The following MLPH variants were observed in gnomAD, a reference collection of about 807,000 sequenced individuals.
MLPH encodes the protein exophilin-3.
Under a neutral mutation model 72.1 loss-of-function variants are expected in MLPH, and 51 were observed. The observed-to-expected ratio is 0.71, with a 90% CI of 0.56 to 0.89. The LOEUF is 0.89. MLPH is among the 40% of genes least tolerant of loss of function. The pLI, the probability that MLPH is intolerant of heterozygous loss-of-function variation, is 0.00. For missense variants in MLPH, 743 were observed against 759.9 expected (o/e 0.98, Z 0.26); for synonymous variants, 301 against 310.1 (o/e 0.97, Z 0.31).
At chr2:237,503,574 G>A (rs563311848) in intron 2 of MLPH, among the ~76,000 whole-genome samples, 1 of 152,250 alleles carries the variant, frequency 6.6e-6, no homozygotes, top group Non-Finnish European at 1.5e-5. Flanking sequence ...TGGTTGCCAC[G>A]CTTTCAGTCA....
At chr2:237,540,561 AGGACCCTGCAGAGGTAGGGGCAG>A (rs778821645) in intron 10 of MLPH, 28 bp downstream of exon 10, 1 of 1,599,548 alleles carries the variant, frequency 6.3e-7, no homozygotes, top group Non-Finnish European at 8.5e-7. Context: ...AGGTCTCAGC[AGGACCCTGCAGAGGTAGGGGCAG>A]GGATGGACAG....
chr2:237,535,198 A>ACCACATGGCCTGCCTCTGTC (rs1174672298), intron 9 of MLPH, among the ~76,000 whole-genome samples: 1 of 152,138 alleles, frequency 6.6e-6, no homozygotes, highest in Non-Finnish European at 1.5e-5. Flanking sequence ...GCACATGGTG[A>ACCACATGGCCTGCCTCTGTC]CAGAGGGCAG....
At chr2:237,542,412 C>T (rs577818098) in intron 11 of MLPH, among the ~76,000 whole-genome samples, 155 bp from the exon 12 acceptor site, 1 of 152,272 alleles carries the variant, frequency 6.6e-6, no homozygotes, top group African/African-American at 2.4e-5. Flanking sequence ...GGACCACCAA[C>T]ATGGGCATGG....
intron 2 of MLPH, among the ~76,000 whole-genome samples, chr2:237,503,749 C>T (rs1463795): frequency 6.6e-6 from 1 of 151,910 alleles, no homozygotes; most frequent in African/African-American, 2.4e-5. Context: ...GTTCCACTTG[C>T]CTGGGAGTAC....
chr2:237,538,687 A>G (rs2106371247), intron 9 of MLPH, among the ~76,000 whole-genome samples: 1 of 152,330 alleles, frequency 6.6e-6, no homozygotes, highest in East Asian at 1.9e-4. Context: ...ACACAAAAAG[A>G]CAGGTTTTCA....
At chr2:237,533,350 G>A (rs2080461643) in intron 8 of MLPH, among the ~76,000 whole-genome samples, 1 of 150,444 alleles carries the variant, frequency 6.6e-6, no homozygotes, top group Non-Finnish European at 1.5e-5. Flanking sequence ...AGCTCTGAAA[G>A]ACAAGGGGGC....
chr2:237,517,426 A>G (rs996782186), intron 4 of MLPH, among the ~76,000 whole-genome samples: 3 of 140,000 alleles, frequency 2.1e-5, no homozygotes, highest in Admixed American at 7.1e-5. Flanking sequence ...TGGGTGGGTG[A>G]GTGGATAGGT....
intron 1 of MLPH, among the ~76,000 whole-genome samples, chr2:237,487,941 A>C (rs1484215934): frequency 2.0e-5 from 3 of 152,150 alleles, no homozygotes; most frequent in Non-Finnish European, 2.9e-5. Flanking sequence ...TTTTGTTTGC[A>C]GACAGACTCC....
At chr2:237,518,350 G>T (rs2080097639) in intron 4 of MLPH, 189 bp from the exon 5 acceptor site, 2 of 686,834 alleles carry the variant, frequency 2.9e-6, no homozygotes, top group Admixed American at 4.1e-5. Context: ...TAAATAGGGG[G>T]ATGGGTGGAT....
At position 237,554,460 on chromosome 2, in the gene MLPH, G is replaced by A. The variant is rs55820408; in HGVS notation, c.*868G>A. ...GGCCACAGGAGTCAGCTTGCCACTC[G>A]CCCATTGGTTACATAGATGATCTCT... On this transcript the variant is annotated 3_prime_UTR_variant, in exon 16 of 16. Coordinates refer to ENST00000264605, the MANE Select transcript of MLPH (RefSeq NM_024101.7). 0.029 allele frequency: 4,448 copies of A among 154,336 alleles called. 210 individuals carry two copies. The highest frequency in any genetic ancestry group is 0.1 in the African/African-American group (4,141 of 41,512). The allele number at this position is 154,336 out of a possible 1,614,324, so 9.6% of individuals were successfully genotyped here.
At chr2:237,553,020 G>C (rs1347826697) in intron 15 of MLPH, 1 of 452,866 alleles carries the variant, frequency 2.2e-6, no homozygotes, top group African/African-American at 2.0e-5. Flanking sequence ...TGGCTCAGGA[G>C]CCTGGTTACA....
intron 6 of MLPH, 112 bp downstream of exon 6, chr2:237,520,141 TC>T: frequency 1.4e-6 from 2 of 1,432,682 alleles, no homozygotes; most frequent in Non-Finnish European, 1.9e-6. Context: ...GGCCACACAG[TC>T]CCACCTGGCT....
intron 15 of MLPH, chr2:237,553,119 T>A: frequency 2.1e-6 from 1 of 472,778 alleles, no homozygotes; most frequent in Non-Finnish European, 4.4e-6. Context: ...CCCCAACCAA[T>A]GTGATCAGTC....
chr2:237,506,142 A>C (rs144839091), intron 2 of MLPH, among the ~76,000 whole-genome samples: 2,076 of 152,378 alleles, frequency 0.014, 39 homozygotes, highest in African/African-American at 0.043. Context: ...AGAACCCCAA[A>C]GAGTTTTATT....
At chr2:237,501,692 C>T in intron 2 of MLPH, among the ~76,000 whole-genome samples, 1 of 106,588 alleles carries the variant, frequency 9.4e-6, no homozygotes, top group Non-Finnish European at 2.1e-5. Flanking sequence ...AAAAAAAATA[C>T]AAAAAAATTA....
At chr2:237,532,304 G>A (rs1221474132) in intron 8 of MLPH, among the ~76,000 whole-genome samples, 2 of 152,250 alleles carry the variant, frequency 1.3e-5, no homozygotes, top group Admixed American at 1.3e-4. Context: ...CTTTGCATTT[G>A]TATTGACAGT....
intron 2 of MLPH, among the ~76,000 whole-genome samples, chr2:237,501,613 G>A (rs1300480958): frequency 6.7e-6 from 1 of 148,220 alleles, no homozygotes; most frequent in African/African-American, 2.5e-5. Flanking sequence ...GATCACCTGA[G>A]GTCAAGAGTT....
At chr2:237,492,462 TAA>T (rs397961915) in intron 1 of MLPH, among the ~76,000 whole-genome samples, 12 of 132,196 alleles carry the variant, frequency 9.1e-5, no homozygotes, top group Non-Finnish European at 8.2e-5. Flanking sequence ...AACTCGTCTC[TAA>T]AAAAAAAAAA....
intron 9 of MLPH, among the ~76,000 whole-genome samples, chr2:237,538,937 G>C (rs949753243): frequency 9.2e-5 from 14 of 152,230 alleles, no homozygotes; most frequent in African/African-American, 3.4e-4. Context: ...GCTGGCAGAG[G>C]TGCCGGGGCT....
Sources: gnomAD v4.1 joint callset for allele counts (sites outside exome capture counted in the v4.1 genomes callset) on GRCh38, gnomAD v4.1.1 for gene constraint, MANE v1.5 for transcripts, NCBI Gene and HGNC (gene_info 2026-07-23, HGNC 2026-07-21) for gene names.